ITGA9: variants seen among roughly 807,000 people sequenced by gnomAD.
ITGA9 encodes the protein integrin alpha-9.
ITGA9 carries 56 observed loss-of-function variants against 127.8 expected under a neutral mutation model. That is an observed-to-expected ratio of 0.44 (90% CI 0.35 to 0.55). ITGA9 has a LOEUF of 0.55. Ranked by LOEUF, ITGA9 falls within the 20% of genes least tolerant of loss-of-function variation. The pLI is 0.00. For synonymous variants in ITGA9, 508 were observed against 514.5 expected (o/e 0.99, Z 0.17); for missense variants, 1,196 against 1,347.1 (o/e 0.89, Z 1.76).
At position 37,732,767 on chromosome 3, in the gene ITGA9, T is replaced by C; in HGVS notation, c.2123T>C (p.Val708Ala). 1 of 1,611,510 alleles carries C rather than the reference T, an allele frequency of 6.2e-7. No homozygotes were observed. Among genetic ancestry groups the C allele is most frequent in the Non-Finnish European group, 8.5e-7 (1 of 1,179,390 alleles). ...GAATCGGACTTCCTCAAATGCAGCG[T>C]GGGATTTCCTTTCATGAGGTCAAAG... ...LLESDFLKCS[V>A]GFPFMRSKSK... The change falls in exon 19 of 28, where the codon GTG (valine) becomes GCG (alanine). Residue 708 changes from valine (V) to alanine (A), a missense_variant. Val to Ala is a moderately conservative substitution (Grantham distance 64, BLOSUM62 0). Coordinates refer to ENST00000264741, the MANE Select transcript of ITGA9 (RefSeq NM_002207.3).
chr3:37,752,024 A>C (rs1183580719), intron 23 of ITGA9, among the ~76,000 whole-genome samples: 1 of 152,186 alleles, frequency 6.6e-6, no homozygotes, highest in East Asian at 1.9e-4. Flanking sequence ...CCAGAATGAC[A>C]ACAAGAGTAG....
At chr3:37,534,353 G>A (rs1579093571) in intron 14 of ITGA9, among the ~76,000 whole-genome samples, 1 of 152,230 alleles carries the variant, frequency 6.6e-6, no homozygotes, top group South Asian at 2.1e-4. Context: ...AGCATTGTCA[G>A]CATCACTGGG....
chr3:37,760,564 C>T (rs1696712085), intron 23 of ITGA9, among the ~76,000 whole-genome samples: 1 of 151,946 alleles, frequency 6.6e-6, no homozygotes. Context: ...AATATCGTTC[C>T]AAAACAGTGG....
At chr3:37,783,108 C>T (rs1308349539) in intron 25 of ITGA9, among the ~76,000 whole-genome samples, 1 of 151,724 alleles carries the variant, frequency 6.6e-6, no homozygotes, top group Non-Finnish European at 1.5e-5. Flanking sequence ...CATTGCACTC[C>T]AGCCTGGGCA....
At chr3:37,709,432 CT>C (rs1701053045) in intron 18 of ITGA9, among the ~76,000 whole-genome samples, 1 of 152,208 alleles carries the variant, frequency 6.6e-6, no homozygotes, top group South Asian at 2.1e-4. Flanking sequence ...CCTTGGAAGC[CT>C]TCATTTACCA....
chr3:37,493,574 G>C (rs1322340912), intron 4 of ITGA9, among the ~76,000 whole-genome samples: 1 of 152,174 alleles, frequency 6.6e-6, no homozygotes, highest in East Asian at 1.9e-4. Context: ...TCACTTTGCA[G>C]AACCTTTGAT....
chr3:37,455,885 C>T (rs943826082), intron 1 of ITGA9, among the ~76,000 whole-genome samples: 7 of 152,134 alleles, frequency 4.6e-5, no homozygotes, highest in South Asian at 2.1e-4. Flanking sequence ...GAGGGACCTG[C>T]GGGTGTACAT....
At chr3:37,805,482 A>C (rs1697284454) in intron 27 of ITGA9, among the ~76,000 whole-genome samples, 1 of 152,118 alleles carries the variant, frequency 6.6e-6, no homozygotes, top group Admixed American at 6.5e-5. Flanking sequence ...CAGTCTACTC[A>C]TCCAGTCCCC....
At chr3:37,687,911 G>A (rs142537487) in intron 18 of ITGA9, among the ~76,000 whole-genome samples, 83 of 152,326 alleles carry the variant, frequency 5.4e-4, no homozygotes, top group African/African-American at 1.9e-3. Flanking sequence ...AGACAGGAAG[G>A]CGTGCATTTA....
intron 15 of ITGA9, among the ~76,000 whole-genome samples, chr3:37,613,292 G>C (rs368089521): frequency 2.6e-5 from 4 of 152,226 alleles, no homozygotes; most frequent in South Asian, 2.1e-4. Flanking sequence ...AGGACATGAA[G>C]TCATCATTTT....
rs959560238 is a variant in ITGA9, at chr3:37,672,803, T to C, written c.1917-11062T>C. ...GGACAGAAATACCAATTTTTATTAT[T>C]CTAGAATAGATTAAAATATAAAATA... is the stretch of plus-strand genomic sequence containing the variant. On this transcript the variant is annotated intron_variant, in intron 17 of 27. Coordinates refer to ENST00000264741, the MANE Select transcript of ITGA9 (RefSeq NM_002207.3). Among the ~76,000 whole-genome samples, 7 of 152,160 alleles carry C rather than the reference T, an allele frequency of 4.6e-5. No homozygotes were observed. The South Asian group carries it at 1.2e-3, about 27-fold the overall frequency.
chr3:37,739,696 G>A (rs2125532338), intron 20 of ITGA9, among the ~76,000 whole-genome samples: 1 of 152,322 alleles, frequency 6.6e-6, no homozygotes, highest in South Asian at 2.1e-4. Flanking sequence ...TTTGATGTTT[G>A]ACGTCTTTAT....
chr3:37,787,487 G>T (rs1306456208), intron 26 of ITGA9, among the ~76,000 whole-genome samples: 1 of 151,914 alleles, frequency 6.6e-6, no homozygotes, highest in African/African-American at 2.4e-5. Flanking sequence ...AGGCCGAGAG[G>T]TTTTTTTTAG....
chr3:37,724,696 C>A (rs2125685641), intron 18 of ITGA9, among the ~76,000 whole-genome samples: 1 of 152,236 alleles, frequency 6.6e-6, no homozygotes, highest in South Asian at 2.1e-4. Context: ...CGGAGTTTCA[C>A]CATGTTGGCC....
intron 18 of ITGA9, among the ~76,000 whole-genome samples, chr3:37,713,420 A>G (rs535190527): frequency 3.9e-5 from 6 of 152,310 alleles, no homozygotes; most frequent in African/African-American, 1.4e-4. Flanking sequence ...ACCCTCAGCT[A>G]AAAGGTTCAG....
At chr3:37,490,975 C>CACTTT (rs548395527) in intron 4 of ITGA9, among the ~76,000 whole-genome samples, 1 of 105,104 alleles carries the variant, frequency 9.5e-6, no homozygotes, top group Non-Finnish European at 2.0e-5. Flanking sequence ...TTCCCCCCCG[C>CACTTT]TTTTTTTTTT....
At chr3:37,535,918 TG>T in intron 14 of ITGA9, among the ~76,000 whole-genome samples, 1 of 152,326 alleles carries the variant, frequency 6.6e-6, no homozygotes, top group African/African-American at 2.4e-5. Context: ...GAAAATGTGC[TG>T]GCAGTGAAAT....
intron 15 of ITGA9, among the ~76,000 whole-genome samples, chr3:37,592,499 C>T (rs558043865): frequency 6.6e-6 from 1 of 152,156 alleles, no homozygotes; most frequent in African/African-American, 2.4e-5. Context: ...TCCCTTCTAC[C>T]GACTTTCCAT....
rs118051997 is a variant in ITGA9, at chr3:37,780,585, C to T, written c.2787+564C>T. 3.9e-4 allele frequency among the ~76,000 whole-genome samples: 60 copies of T among 152,180 alleles called. No homozygotes were observed. In the East Asian group the frequency reaches 0.01, roughly 26 times the overall value. On this transcript the variant is annotated intron_variant, in intron 25 of 27. Coordinates refer to ENST00000264741, the MANE Select transcript of ITGA9 (RefSeq NM_002207.3). ...CTATAACCAGTCATCCATTCATGGACACTTAAGTTGATTCCCTATCTTTGC... is the reference window on the plus strand; with the variant it reads ...CTATAACCAGTCATCCATTCATGGATACTTAAGTTGATTCCCTATCTTTGC...
Sources: allele counts gnomAD v4.1 joint callset (sites outside exome capture counted in the v4.1 genomes callset), GRCh38; gene constraint gnomAD v4.1.1; transcripts MANE v1.5; gene names NCBI Gene and HGNC (gene_info 2026-07-23, HGNC 2026-07-21).